ASPG: variants seen among roughly 807,000 people sequenced by gnomAD.
ASPG encodes the protein asparaginase, also known as 60 kDa lysophospholipase.
Under a neutral mutation model 63.2 loss-of-function variants are expected in ASPG, and 53 were observed. The ratio of observed to expected loss-of-function variants is 0.84; its 90% confidence interval spans 0.67 to 1.05. The LOEUF is 1.05. Among genes scored for constraint, ASPG ranks in the 50% least tolerant of loss-of-function variants. The probability of loss-of-function intolerance (pLI) is 0.00; values close to 1 mark genes in which losing one functional copy is unlikely to be tolerated. For synonymous variants in ASPG, 370 were observed against 355.0 expected (o/e 1.04, Z -0.48); for missense variants, 741 against 794.4 (o/e 0.93, Z 0.81).
chr14:104,089,508 G>A (rs2036304811), intron 1 of ASPG, among the ~76,000 whole-genome samples: 1 of 152,038 alleles, frequency 6.6e-6, no homozygotes, highest in African/African-American at 2.4e-5. Flanking sequence ...GACAGAGTGA[G>A]ACCCTGTCTC....
Position 104,095,594 on chromosome 14 carries a change from G to T in ASPG, c.367G>T (p.Ala123Ser), listed in dbSNP as rs1426248725. The change falls in exon 4 of 16, where the codon GCC becomes TCC. Residue 123 changes from alanine (A) to serine (S), a missense_variant. Coordinates refer to ENST00000551177, the MANE Select transcript of ASPG (RefSeq NM_001080464.3). ...CGGCACCGACACCATGGCCTTTGCT[G>T]CCTCGATGCTGTCCTTCATGCTGGA... is the stretch of plus-strand genomic sequence containing the variant. ...IHGTDTMAFAASMLSFMLENL... is the reference protein window; with the variant it reads ...IHGTDTMAFASSMLSFMLENL... 2 of 1,613,248 alleles carry T rather than the reference G, an allele frequency of 1.2e-6. No homozygotes were observed. Among genetic ancestry groups the T allele is most frequent in the East Asian group, 4.5e-5 (2 of 44,882 alleles).
In ASPG at chr14:104,092,784, T is replaced by C. The variant is rs572393845; in HGVS notation, c.191+43T>C. Reference sequence around the variant, plus strand: ...CCAGTCCCGGACAGGGCATGGCTGCTGAGGGGCACCGATCCTGAGGCTGGG... The same window carrying C: ...CCAGTCCCGGACAGGGCATGGCTGCCGAGGGGCACCGATCCTGAGGCTGGG... On this transcript the variant is annotated intron_variant, in intron 2 of 15. Coordinates refer to ENST00000551177, the MANE Select transcript of ASPG (RefSeq NM_001080464.3). The C allele has an allele frequency of 1.0e-5, 15 of 1,491,022 alleles. No individual in the cohort carries two copies. The East Asian group carries it at 3.2e-4, about 32-fold the overall frequency. 92.4% of individuals were successfully genotyped at this position (1,491,022 alleles called of 1,614,324 possible).
chr14:104,093,123 C>T, intron 2 of ASPG: 1 of 482,522 alleles, frequency 2.1e-6, no homozygotes. Flanking sequence ...ATGTCCCCCA[C>T]AGCTGGGGGT....
intron 1 of ASPG, among the ~76,000 whole-genome samples, chr14:104,088,488 T>C (rs1472622155): frequency 6.6e-6 from 1 of 152,024 alleles, no homozygotes; most frequent in Non-Finnish European, 1.5e-5. Flanking sequence ...CTTGAAGACT[T>C]CCTATGTCAA....
At chr14:104,085,955 G>C in intron 1 of ASPG, 103 bp downstream of exon 1, 1 of 1,089,546 alleles carries the variant, frequency 9.2e-7, no homozygotes, top group Non-Finnish European at 1.3e-6. Flanking sequence ...TCAAATCCGC[G>C]CCTGGATGGG....
rs1438079961 is a variant in ASPG, at chr14:104,113,868, T to A, written c.*1324T>A. The stretch of plus-strand genomic sequence containing the variant: ...GGTGAGGCCCATGAGGGGCTGCAGG[T>A]GGAGGGAGGGTGGCACCGGGCCCCA... On this transcript the variant is annotated 3_prime_UTR_variant, in exon 16 of 16. Coordinates refer to ENST00000551177, the MANE Select transcript of ASPG (RefSeq NM_001080464.3). 6.6e-6 allele frequency: 1 copy of A among 152,094 alleles called. No individual in the cohort carries two copies. The highest frequency in any genetic ancestry group is 1.5e-5 in the Non-Finnish European group (1 of 68,090). 9.4% of individuals were successfully genotyped at this position (152,094 alleles called of 1,614,324 possible).
intron 6 of ASPG, 83 bp downstream of exon 6, chr14:104,099,062 A>T: frequency 3.3e-6 from 5 of 1,505,602 alleles, no homozygotes; most frequent in Non-Finnish European, 4.5e-6. Flanking sequence ...CGTGGCTGGG[A>T]CTCGGCAGAG....
chr14:104,103,884 T>G (rs559312188), intron 7 of ASPG, among the ~76,000 whole-genome samples: 1 of 152,206 alleles, frequency 6.6e-6, no homozygotes, highest in Non-Finnish European at 1.5e-5. Flanking sequence ...TGGGCAGGGT[T>G]GGGGCGCGGC....
At chr14:104,099,993 G>A (rs545289373) in intron 6 of ASPG, among the ~76,000 whole-genome samples, 35 of 152,332 alleles carry the variant, frequency 2.3e-4, no homozygotes, top group Non-Finnish European at 4.9e-4. Flanking sequence ...TTCTGTCCAG[G>A]CCTGGGCCAT....
intron 5 of ASPG, 137 bp from the exon 6 acceptor site, chr14:104,098,716 G>A (rs1040572675): frequency 1.5e-6 from 2 of 1,358,216 alleles, no homozygotes; most frequent in Admixed American, 2.1e-5. Context: ...GAAGGTCTCT[G>A]CCTGCGGTGG....
In ASPG at chr14:104,113,903, G is replaced by C. The variant is rs2037432581; in HGVS notation, c.*1359G>C. 6.6e-6 allele frequency: 1 copy of C among 152,508 alleles called. No homozygotes were observed. Among genetic ancestry groups the C allele is most frequent in the East Asian group, 1.9e-4 (1 of 5,184 alleles). The allele number at this position is 152,508 out of a possible 1,614,324, so 9.4% of individuals were successfully genotyped here. On this transcript the variant is annotated 3_prime_UTR_variant, in exon 16 of 16. Transcript: ENST00000551177. Reference sequence around the variant, plus strand: ...GTGGCACCGGGCCCCAGAGCCAGGAGCCCCTGCTGTCCCCGGATGGCCGAG... The same window carrying C: ...GTGGCACCGGGCCCCAGAGCCAGGACCCCCTGCTGTCCCCGGATGGCCGAG...
At chr14:104,098,225 G>T (rs979514855) in intron 5 of ASPG, among the ~76,000 whole-genome samples, 1 of 152,142 alleles carries the variant, frequency 6.6e-6, no homozygotes, top group Non-Finnish European at 1.5e-5. Flanking sequence ...TACGTATGGA[G>T]GTTTTACATT....
At chr14:104,094,237 G>A (rs949209105) in intron 3 of ASPG, among the ~76,000 whole-genome samples, 3 of 152,006 alleles carry the variant, frequency 2.0e-5, no homozygotes, top group African/African-American at 7.3e-5. Context: ...GTTAGTATCT[G>A]GGGCGCGGTG....
intron 13 of ASPG, 63 bp from the exon 14 acceptor site, chr14:104,111,439 A>T: frequency 7.2e-7 from 1 of 1,390,982 alleles, no homozygotes; most frequent in Non-Finnish European, 9.9e-7. Flanking sequence ...GGGGACAGGC[A>T]CGTGGGCAGA....
intron 7 of ASPG, 126 bp from the exon 8 acceptor site, chr14:104,104,178 G>A (rs558601679): frequency 9.8e-5 from 109 of 1,114,902 alleles, no homozygotes; most frequent in Middle Eastern, 6.2e-4. Context: ...CCACTGTCCC[G>A]GGAGCAGAGC....
chr14:104,110,247 G>A lies in ASPG; in HGVS notation c.1520+932G>A, dbSNP rs1051946730. On this transcript the variant is annotated intron_variant, in intron 13 of 15. Transcript: ENST00000551177. This position sits in a 1 kb window ranked among gnomAD's most constrained non-coding sequence, Gnocchi z 4.7. ...CCAGGCTTGGGGAGTGGGTGATGGC[G>A]GGGGCTCGGCTCACTGGCTGGGAGG... is the stretch of plus-strand genomic sequence containing the variant. 14 of 985,036 alleles carry A rather than the reference G, an allele frequency of 1.4e-5. No individual in the cohort carries two copies. The highest frequency in any genetic ancestry group is 1.7e-5 in the Non-Finnish European group (14 of 829,782). The allele number at this position is 985,036 out of a possible 1,614,324, so 61.0% of individuals were successfully genotyped here.
chr14:104,111,359 T>C, intron 13 of ASPG, 143 bp from the exon 14 acceptor site: 1 of 1,008,084 alleles, frequency 9.9e-7, no homozygotes, highest in Non-Finnish European at 1.4e-6. Flanking sequence ...CAGTGACTCC[T>C]GCCCCAGGAC....
At chr14:104,088,004 G>A (rs1046621792) in intron 1 of ASPG, among the ~76,000 whole-genome samples, 4 of 152,172 alleles carry the variant, frequency 2.6e-5, no homozygotes, top group South Asian at 2.1e-4. Flanking sequence ...TCAGCAGCCC[G>A]TCCTCGTGTG....
chr14:104,104,629 C>T lies in ASPG; in HGVS notation c.944C>T (p.Ala315Val), dbSNP rs543090174. 221 of 1,606,410 alleles carry T rather than the reference C, an allele frequency of 1.4e-4. No individual in the cohort carries two copies. The highest frequency in any genetic ancestry group is 1.8e-4 in the Non-Finnish European group (206 of 1,176,182). ...TTDYAAGMAMAGAGVISGFDM... is the reference protein window; with the variant it reads ...TTDYAAGMAMVGAGVISGFDM... ...CACGCCCCCTCCTCACAGGCCATGGCGGGAGCCGGCGTCATCTCAGGCTTC... is the reference window on the plus strand; with the variant it reads ...CACGCCCCCTCCTCACAGGCCATGGTGGGAGCCGGCGTCATCTCAGGCTTC... The change falls in exon 9 of 16, where the codon GCG (alanine) becomes GTG (valine). Residue 315 changes from alanine to valine, a missense_variant. Physicochemically the swap from Ala to Val is moderately conservative, Grantham distance 64. Coordinates refer to ENST00000551177, the MANE Select transcript of ASPG (RefSeq NM_001080464.3).
Sources: gnomAD v4.1 joint callset for allele counts (sites outside exome capture counted in the v4.1 genomes callset) on GRCh38, gnomAD v4.1.1 for gene constraint, Gnocchi (gnomAD v3.1) non-coding constraint, MANE v1.5 for transcripts, NCBI Gene and HGNC (gene_info 2026-07-23, HGNC 2026-07-21) for gene names.